The following RPS6KA5 variants were observed in gnomAD, a reference collection of about 807,000 sequenced individuals.
The protein encoded by RPS6KA5 is ribosomal protein S6 kinase A5, also known as ribosomal protein S6 kinase alpha-5.
A neutral mutation model predicts 85.5 loss-of-function variants in RPS6KA5; 27 were observed. The observed-to-expected ratio is 0.32, with a 90% CI of 0.23 to 0.44. The LOEUF (loss-of-function observed/expected upper bound fraction) is 0.44. RPS6KA5 is among the 20% of genes least tolerant of loss of function. RPS6KA5 has a pLI of 1.00. For missense variants in RPS6KA5, 811 were observed against 980.9 expected (o/e 0.83, Z 2.31); for synonymous variants, 334 against 348.2 (o/e 0.96, Z 0.46).
chr14:90,905,958 A>C (rs908185268), intron 8 of RPS6KA5, among the ~76,000 whole-genome samples, 191 bp downstream of exon 8: 4 of 152,208 alleles, frequency 2.6e-5, no homozygotes, highest in African/African-American at 7.2e-5. Context: ...ATGTTTATAC[A>C]AGTAGAATTT....
intron 2 of RPS6KA5, among the ~76,000 whole-genome samples, chr14:90,980,566 C>A: frequency 6.6e-6 from 1 of 152,328 alleles, no homozygotes; most frequent in South Asian, 2.1e-4. Flanking sequence ...ATTCTTACAA[C>A]ATTCCTATAA....
chr14:90,901,936 C>G (rs1332174513), intron 9 of RPS6KA5, among the ~76,000 whole-genome samples: 1 of 152,188 alleles, frequency 6.6e-6, no homozygotes, highest in Non-Finnish European at 1.5e-5. Flanking sequence ...AATCCCAGCA[C>G]TTTGGGAGGC....
In RPS6KA5 at chr14:90,854,233, A is replaced by G. The variant is rs2032161762; in HGVS notation, c.*17841T>C. ...TGTAATTTATAATTCCTAAGTAATT[A>G]TTAAATGATTAATGTTTAATCATTA... On this transcript the variant is annotated 3_prime_UTR_variant, in exon 17 of 17. Coordinates refer to ENST00000614987, the MANE Select transcript of RPS6KA5 (RefSeq NM_004755.4). The G allele has an allele frequency of 8.0e-6, 1 of 125,462 alleles. No individual in the cohort carries two copies. Among genetic ancestry groups the G allele is most frequent in the African/African-American group, 4.8e-5 (1 of 20,688 alleles). 7.8% of individuals were successfully genotyped at this position (125,462 alleles called of 1,614,324 possible).
chr14:91,057,201 C>T (rs1474211467), intron 1 of RPS6KA5, among the ~76,000 whole-genome samples: 3 of 151,954 alleles, frequency 2.0e-5, no homozygotes, highest in East Asian at 3.9e-4. Flanking sequence ...GAGGGCGGGA[C>T]ATTTTCTTAG....
intron 3 of RPS6KA5, among the ~76,000 whole-genome samples, chr14:90,959,081 A>C (rs1180250243): frequency 6.6e-6 from 1 of 152,124 alleles, no homozygotes; most frequent in Non-Finnish European, 1.5e-5. Context: ...AAGGAGATCA[A>C]GTGGCTAGAA....
At chr14:90,888,323 G>C (rs2034351924) in intron 14 of RPS6KA5, among the ~76,000 whole-genome samples, 1 of 152,116 alleles carries the variant, frequency 6.6e-6, no homozygotes, top group Non-Finnish European at 1.5e-5. Context: ...AAACCTTAAA[G>C]AGCTTGATGG....
rs1460230506 is a variant in RPS6KA5 at position 90,861,875 on chromosome 14, C to T, written c.*10199G>A. 6 of 129,312 alleles carry T rather than the reference C, an allele frequency of 4.6e-5. No homozygotes were observed. Among genetic ancestry groups the T allele is most frequent in the African/African-American group, 1.2e-4 (4 of 32,084 alleles). The allele number at this position is 129,312 out of a possible 1,614,324, so 8.0% of individuals were successfully genotyped here. On this transcript the variant is annotated 3_prime_UTR_variant, in exon 17 of 17. Coordinates refer to ENST00000614987, the MANE Select transcript of RPS6KA5 (RefSeq NM_004755.4). ...ATCGTGCCACTGCACTGCAGCCTGGCGACAAAGACTCCATCTCAAAAAAAA... is the reference window on the plus strand; with the variant it reads ...ATCGTGCCACTGCACTGCAGCCTGGTGACAAAGACTCCATCTCAAAAAAAA...
intron 5 of RPS6KA5, among the ~76,000 whole-genome samples, chr14:90,939,953 T>C (rs761547293): frequency 5.3e-5 from 8 of 152,152 alleles, no homozygotes; most frequent in South Asian, 2.1e-4. Flanking sequence ...CTAATCAAAA[T>C]AGAAATGGTT....
At chr14:90,918,694 A>G (rs983163552) in intron 7 of RPS6KA5, among the ~76,000 whole-genome samples, 1 of 152,138 alleles carries the variant, frequency 6.6e-6, no homozygotes, top group African/African-American at 2.4e-5. Context: ...ATTTTTCTAT[A>G]TGGTATGAAG....
intron 3 of RPS6KA5, among the ~76,000 whole-genome samples, chr14:90,964,142 A>G (rs2038942965): frequency 1.3e-5 from 2 of 152,206 alleles, no homozygotes; most frequent in South Asian, 4.1e-4. Flanking sequence ...ACTATTTCTA[A>G]TTTTCTGATA....
chr14:91,054,637 G>GAA (rs764680509), intron 1 of RPS6KA5, among the ~76,000 whole-genome samples: 22 of 79,284 alleles, frequency 2.8e-4, no homozygotes, highest in Admixed American at 3.0e-4. Context: ...CTCTGTCTCA[G>GAA]AAAAAAAAAA....
chr14:90,959,676 C>T (rs1187836743), intron 3 of RPS6KA5, among the ~76,000 whole-genome samples: 3 of 152,152 alleles, frequency 2.0e-5, no homozygotes, highest in African/African-American at 7.2e-5. Context: ...CATCTTGTGG[C>T]CAGTTGTAGA....
In RPS6KA5 at chr14:90,872,045, A is replaced by G; in HGVS notation, c.*29T>C. The G allele has an allele frequency of 6.3e-7, 1 of 1,592,390 alleles. No homozygotes were observed. Among genetic ancestry groups the G allele is most frequent in the Non-Finnish European group, 8.5e-7 (1 of 1,171,246 alleles). ...GCATATGCTGAGGGAATAAAGGTGCAATGGATCACTGATACACTCCTACCA... is the reference window on the plus strand; with the variant it reads ...GCATATGCTGAGGGAATAAAGGTGCGATGGATCACTGATACACTCCTACCA... On this transcript the variant is annotated 3_prime_UTR_variant, in exon 17 of 17. Coordinates refer to ENST00000614987, the MANE Select transcript of RPS6KA5 (RefSeq NM_004755.4).
chr14:91,001,035 A>G lies in RPS6KA5; in HGVS notation c.175+53T>C, dbSNP rs925796709. On this transcript the variant is annotated intron_variant, in intron 2 of 16. Transcript: ENST00000614987. Reference sequence around the variant, plus strand: ...ATTGGGGATATCAATCCTTCATCATAGGAATAATAAGTACTTTTTTTTTTC... The same window carrying G: ...ATTGGGGATATCAATCCTTCATCATGGGAATAATAAGTACTTTTTTTTTTC... The G allele has an allele frequency of 4.0e-6, 4 of 992,962 alleles. No homozygotes were observed. In the African/African-American group the frequency reaches 5.0e-5, roughly 12 times the overall value. 61.5% of individuals were successfully genotyped at this position (992,962 alleles called of 1,614,324 possible).
chr14:91,050,106 T>C (rs543035027), intron 1 of RPS6KA5, among the ~76,000 whole-genome samples: 5 of 152,302 alleles, frequency 3.3e-5, no homozygotes, highest in African/African-American at 1.2e-4. Context: ...TCAAAGTTTC[T>C]TACTGGGCTG....
chr14:90,912,702 A>G (rs1416698651), intron 7 of RPS6KA5, among the ~76,000 whole-genome samples: 1 of 151,956 alleles, frequency 6.6e-6, no homozygotes, highest in Non-Finnish European at 1.5e-5. Context: ...TCCTTGATCC[A>G]CTTAACCTGT....
chr14:90,871,747 G>C lies in RPS6KA5; in HGVS notation c.*327C>G, dbSNP rs570748905. The C allele has an allele frequency of 9.0e-5, 18 of 200,412 alleles. No homozygotes were observed. The highest frequency in any genetic ancestry group is 2.1e-3 in the Middle Eastern group (1 of 482). The allele number at this position is 200,412 out of a possible 1,614,324, so 12.4% of individuals were successfully genotyped here. Reference sequence around the variant, plus strand: ...ATCATCACAGTATGAGTCATTTCTTGTTGGCAGACATCTGGAAAACCTGTG... The same window carrying C: ...ATCATCACAGTATGAGTCATTTCTTCTTGGCAGACATCTGGAAAACCTGTG... On this transcript the variant is annotated 3_prime_UTR_variant, in exon 17 of 17. Coordinates refer to ENST00000614987, the MANE Select transcript of RPS6KA5 (RefSeq NM_004755.4).
At chr14:91,015,901 T>C (rs1291417679) in intron 1 of RPS6KA5, among the ~76,000 whole-genome samples, 1 of 152,238 alleles carries the variant, frequency 6.6e-6, no homozygotes, top group African/African-American at 2.4e-5. Context: ...ATTCACCTTG[T>C]CTTGTCCCAG....
At chr14:91,060,126 G>T (rs1362339261) in intron 1 of RPS6KA5, 2 of 985,074 alleles carry the variant, frequency 2.0e-6, no homozygotes, top group Non-Finnish European at 2.4e-6. Context: ...TCCCGGGCTG[G>T]GGAAAACTTT....
Sources: allele counts gnomAD v4.1 joint callset (sites outside exome capture counted in the v4.1 genomes callset), GRCh38; gene constraint gnomAD v4.1.1; transcripts MANE v1.5; gene names NCBI Gene and HGNC (gene_info 2026-07-23, HGNC 2026-07-21).